Variants in DLG1 observed in about 807,000 individuals in gnomAD.
The protein encoded by DLG1 is discs large MAGUK scaffold protein 1.
Under a neutral mutation model 123.4 loss-of-function variants are expected in DLG1, and 42 were observed. The ratio of observed to expected loss-of-function variants is 0.34; its 90% CI spans 0.27 to 0.44. DLG1 has a LOEUF of 0.44. DLG1 is among the 20% of genes least tolerant of loss of function. The pLI is 1.00. For synonymous variants in DLG1, 317 were observed against 356.2 expected, an observed-to-expected ratio of 0.89 and a Z score of 1.24; for missense variants, 942 against 1,082.6, an observed-to-expected ratio of 0.87 and a Z score of 1.82.
At chr3:197,243,505 G>T (rs551323875) in intron 4 of DLG1, among the ~76,000 whole-genome samples, 1 of 152,272 alleles carries the variant, frequency 6.6e-6, no homozygotes, top group Non-Finnish European at 1.5e-5. Flanking sequence ...GGGTGGAAAA[G>T]AAATCAGGAA....
intron 4 of DLG1, among the ~76,000 whole-genome samples, chr3:197,194,907 C>G (rs903550885): frequency 1.3e-5 from 2 of 152,022 alleles, no homozygotes; most frequent in African/African-American, 4.8e-5. Context: ...AATGGAAAAG[C>G]CAAAGTTAGG....
Position 197,076,605 on chromosome 3 carries a change from C to T in DLG1, c.1986G>A (p.Gln662=). The T allele has an allele frequency of 1.2e-6, 2 of 1,612,182 alleles. No homozygotes were observed. The highest frequency in any genetic ancestry group is 1.1e-5 in the South Asian group (1 of 90,938). The change falls in exon 18 of 25, where the codon CAG becomes CAA. Residue 662 remains glutamine, a synonymous_variant. Coordinates refer to ENST00000667157, the MANE Select transcript of DLG1 (RefSeq NM_001366207.1). ...ACTTACGGTCAGCATCACTTGTTTC[C>T]TGCTCACTCTGGTCCTTGTTCTTGT... is the stretch of plus-strand genomic sequence containing the variant. ...PFYKNKDQSE[Q]ETSDADQHVT...
chr3:197,264,245 T>G (rs1230217758), intron 4 of DLG1, among the ~76,000 whole-genome samples: 2 of 152,176 alleles, frequency 1.3e-5, no homozygotes, highest in African/African-American at 2.4e-5. Context: ...ACGGTTTAAG[T>G]TGTTTGAGAT....
chr3:197,210,888 T>C (rs1169913227), intron 4 of DLG1, among the ~76,000 whole-genome samples: 1 of 145,160 alleles, frequency 6.9e-6, no homozygotes, highest in African/African-American at 2.4e-5. Flanking sequence ...GACACAAATA[T>C]CCTTCATGAA....
chr3:197,164,750 A>AG (rs1304864257), intron 5 of DLG1, among the ~76,000 whole-genome samples: 1 of 151,000 alleles, frequency 6.6e-6, no homozygotes, highest in Non-Finnish European at 1.5e-5. Flanking sequence ...AAAAAAAAAA[A>AG]AAAAAGAAAA....
chr3:197,097,610 T>TCG (rs1277084000), intron 14 of DLG1, among the ~76,000 whole-genome samples: 2 of 146,672 alleles, frequency 1.4e-5, no homozygotes, highest in Non-Finnish European at 3.0e-5. Flanking sequence ...AGAGAGAGTC[T>TCG]CGCTCTGTCA....
intron 5 of DLG1, among the ~76,000 whole-genome samples, chr3:197,165,234 T>C (rs554623090): frequency 6.6e-6 from 1 of 152,330 alleles, no homozygotes; most frequent in East Asian, 1.9e-4. Flanking sequence ...CCATTGTGAA[T>C]ATTAACAGAA....
intron 4 of DLG1, among the ~76,000 whole-genome samples, chr3:197,275,055 G>A (rs1325296892): frequency 2.0e-5 from 3 of 152,164 alleles, no homozygotes; most frequent in East Asian, 3.9e-4. Context: ...GCATGGCAGA[G>A]CACACTTGTA....
intron 4 of DLG1, among the ~76,000 whole-genome samples, chr3:197,272,342 C>T (rs1437932227): frequency 6.6e-6 from 1 of 151,442 alleles, no homozygotes; most frequent in Admixed American, 6.6e-5. Context: ...CAAAGCAAGA[C>T]CTCCTCTAAG....
chr3:197,288,385 A>G (rs1013534568), intron 3 of DLG1, among the ~76,000 whole-genome samples: 3 of 149,306 alleles, frequency 2.0e-5, no homozygotes, highest in Non-Finnish European at 4.5e-5. Flanking sequence ...AAAAAAAAGA[A>G]AAGAAAAGGA....
intron 4 of DLG1, among the ~76,000 whole-genome samples, chr3:197,206,773 A>G (rs1479663719): frequency 2.0e-5 from 3 of 152,216 alleles, no homozygotes; most frequent in Admixed American, 1.3e-4. Context: ...AAATTACCAC[A>G]ATTTACAGAT....
intron 5 of DLG1, among the ~76,000 whole-genome samples, chr3:197,163,720 G>A (rs1349528896): frequency 6.8e-5 from 7 of 102,288 alleles, no homozygotes; most frequent in African/African-American, 1.1e-4. Context: ...TGTATTTTTA[G>A]TAGAGACAGG....
At chr3:197,203,688 T>A (rs1357153188) in intron 4 of DLG1, among the ~76,000 whole-genome samples, 1 of 152,210 alleles carries the variant, frequency 6.6e-6, no homozygotes. Context: ...AAATCCTCAC[T>A]TTCACTTTTG....
rs1233653537 is a variant in DLG1 at position 197,043,407 on chromosome 3, C to T, written c.*1216G>A. 6.6e-6 allele frequency: 1 copy of T among 152,118 alleles called. No homozygotes were observed. Among genetic ancestry groups the T allele is most frequent in the Non-Finnish European group, 1.5e-5 (1 of 68,028 alleles). The allele number at this position is 152,118 out of a possible 1,614,324, so 9.4% of individuals were successfully genotyped here. On this transcript the variant is annotated 3_prime_UTR_variant, in exon 25 of 25. Coordinates refer to ENST00000667157, the MANE Select transcript of DLG1 (RefSeq NM_001366207.1). ...TGTAGAAAAGAGGAGAATATGCCCA[C>T]ACTTTTACTTATAATCTAATTTCCC... is the stretch of plus-strand genomic sequence containing the variant.
In DLG1 at chr3:197,068,325, A is replaced by T. The variant is rs368233813; in HGVS notation, c.2047+894T>A. On this transcript the variant is annotated intron_variant, in intron 19 of 24. Transcript: ENST00000667157. ...GCCTAGAAAGCCACTCAACTACCCT[A>T]TAGTGGGTTCTGGTTATAATTAATA... is the stretch of plus-strand genomic sequence containing the variant. 3.3e-5 allele frequency among the ~76,000 whole-genome samples: 5 copies of T among 152,142 alleles called. No individual in the cohort carries two copies. In the East Asian group the frequency reaches 5.8e-4, roughly 18 times the overall value.
At chr3:197,145,040 C>CTCTCTT (rs1491345183) in intron 6 of DLG1, among the ~76,000 whole-genome samples, 4 of 52,364 alleles carry the variant, frequency 7.6e-5, no homozygotes, top group Non-Finnish European at 1.9e-4. Flanking sequence ...CGCTTGCTTG[C>CTCTCTT]TCTCTCTCTC....
intron 5 of DLG1, among the ~76,000 whole-genome samples, chr3:197,187,804 A>C (rs1291812500): frequency 6.6e-6 from 1 of 152,152 alleles, no homozygotes; most frequent in Non-Finnish European, 1.5e-5. Context: ...ACTCTTACAT[A>C]ACCCCAAAAT....
intron 4 of DLG1, among the ~76,000 whole-genome samples, chr3:197,197,019 G>A (rs1411085021): frequency 1.3e-5 from 2 of 152,154 alleles, no homozygotes; most frequent in Non-Finnish European, 2.9e-5. Context: ...ATTCTTGAAA[G>A]AAATAATTTT....
At chr3:197,226,819 C>T (rs1209740890) in intron 4 of DLG1, among the ~76,000 whole-genome samples, 1 of 152,164 alleles carries the variant, frequency 6.6e-6, no homozygotes, top group African/African-American at 2.4e-5. Context: ...CTGATTTATC[C>T]ACTCTTTCAA....
Sources: allele counts gnomAD v4.1 joint callset (sites outside exome capture counted in the v4.1 genomes callset), GRCh38; gene constraint gnomAD v4.1.1; transcripts MANE v1.5; gene names NCBI Gene and HGNC (gene_info 2026-07-23, HGNC 2026-07-21).